Variants in RAB11FIP3 observed in about 807,000 individuals in gnomAD.
RAB11FIP3 encodes the protein RAB11 family interacting protein 3.
Under a neutral mutation model 77.8 loss-of-function variants are expected in RAB11FIP3, and 17 were observed. The ratio of observed to expected loss-of-function variants is 0.22; its 90% CI spans 0.15 to 0.33. The LOEUF is 0.33. Ranked by LOEUF, RAB11FIP3 falls within the 10% of genes least tolerant of loss-of-function variation. The pLI is 1.00. For missense variants in RAB11FIP3, 1,005 were observed against 1,011.2 expected, an observed-to-expected ratio of 0.99 and a Z score of 0.08; for synonymous variants, 437 against 448.2, an observed-to-expected ratio of 0.98 and a Z score of 0.31.
chr16:431,470 C>T (rs534514880), intron 1 of RAB11FIP3, among the ~76,000 whole-genome samples: 36 of 151,958 alleles, frequency 2.4e-4, no homozygotes, highest in African/African-American at 8.5e-4. Context: ...ACCTCCACCA[C>T]GTGGGTTCAA....
chr16:483,908 G>A (rs974935729), intron 4 of RAB11FIP3, among the ~76,000 whole-genome samples: 3 of 151,968 alleles, frequency 2.0e-5, no homozygotes, highest in Non-Finnish European at 4.4e-5. Flanking sequence ...CCCGTCCCCC[G>A]CTTAGAGCCG....
In RAB11FIP3 at chr16:510,721, G is replaced by A; in HGVS notation, c.1561G>A (p.Glu521Lys). The change falls in exon 9 of 14, where the codon GAA becomes AAA. Residue 521 changes from glutamate (E) to lysine (K), a missense_variant. Physicochemically the swap from Glu to Lys is moderately conservative, Grantham distance 56. Coordinates refer to ENST00000262305, the MANE Select transcript of RAB11FIP3 (RefSeq NM_014700.4). ...QELRACEMVL[E>K]ETRRQKELLC... The stretch of plus-strand genomic sequence containing the variant: ...GCTGAGAGCCTGCGAGATGGTCCTG[G>A]AAGAGACCCGGCGTCAGAAGGAGCT... 6.2e-7 allele frequency: 1 copy of A among 1,613,132 alleles called. No homozygotes were observed. The highest frequency in any genetic ancestry group is 1.1e-5 in the South Asian group (1 of 91,040).
chr16:520,497 C>A lies in RAB11FIP3; in HGVS notation c.2055C>A (p.Asn685Lys). The A allele has an allele frequency of 6.2e-7, 1 of 1,613,678 alleles. No homozygotes were observed. ...TGAAGGAGCAGAACGAGGAGCTGAA[C>A]GGGCAGATCATTACCCTCAGCATCC... ...RNLKEQNEEL[N>K]GQIITLSIQG... Residue 685 changes from asparagine (N) to lysine (K), a missense_variant, in exon 13 of 14, where the codon AAC (asparagine) becomes AAA (lysine). Asn to Lys is a moderately conservative substitution (Grantham distance 94). Around this residue, in one of 4 missense-constraint regions of RAB11FIP3, gnomAD observed 90 missense variants for 129.7 expected, o/e 0.69. Coordinates refer to ENST00000262305, the MANE Select transcript of RAB11FIP3 (RefSeq NM_014700.4).
rs530691751 is a variant in RAB11FIP3, at chr16:449,147, C to A, written c.715-12257C>A. Among the ~76,000 whole-genome samples, 5 of 152,166 alleles carry A rather than the reference C, an allele frequency of 3.3e-5. No homozygotes were observed. The South Asian group carries it at 8.3e-4, about 25-fold the overall frequency. On this transcript the variant is annotated intron_variant, in intron 1 of 13. Coordinates refer to ENST00000262305, the MANE Select transcript of RAB11FIP3 (RefSeq NM_014700.4). ...CAACCTCACTTCCAGCTGCCGGCCC[C>A]CTGCTCACTCTGCTCCTGACACTCC...
chr16:520,556 C>T lies in RAB11FIP3; in HGVS notation c.2114C>T (p.Ser705Phe). ...AAGAGCCTCTTCTCCACAGCCTTCT[C>T]TGAGTCCCTGGCTGCAGAGATCAGC... ...GAKSLFSTAFSESLAAEISSV... is the reference protein window; with the variant it reads ...GAKSLFSTAFFESLAAEISSV... Residue 705 changes from serine (S) to phenylalanine (F), a missense_variant, in exon 13 of 14, where the codon TCT (serine) becomes TTT (phenylalanine). Physicochemically the swap from Ser to Phe is radical, Grantham distance 155 (BLOSUM62 -2). This residue lies in a region of RAB11FIP3 where 90 missense variants were observed against 129.7 expected (regional missense o/e 0.69). Coordinates refer to ENST00000262305, the MANE Select transcript of RAB11FIP3 (RefSeq NM_014700.4). 1 of 1,613,730 alleles carries T rather than the reference C, an allele frequency of 6.2e-7. No individual in the cohort carries two copies. The highest frequency in any genetic ancestry group is 8.5e-7 in the Non-Finnish European group (1 of 1,180,036).
chr16:484,419 T>G (rs1401967442), intron 4 of RAB11FIP3, among the ~76,000 whole-genome samples: 1 of 152,014 alleles, frequency 6.6e-6, no homozygotes, highest in Non-Finnish European at 1.5e-5. Context: ...TGGTGCGATC[T>G]CAGCTCACTG....
intron 1 of RAB11FIP3, among the ~76,000 whole-genome samples, chr16:431,382 CTT>C (rs773557516): frequency 8.4e-5 from 12 of 143,316 alleles, no homozygotes; most frequent in African/African-American, 1.0e-4. Context: ...TCTTTTCAGA[CTT>C]TTTTTTTTTT....
chr16:509,202 T>C (rs2032017582), intron 8 of RAB11FIP3, among the ~76,000 whole-genome samples: 1 of 152,262 alleles, frequency 6.6e-6, no homozygotes, highest in African/African-American at 2.4e-5. Flanking sequence ...GGCATCTCAA[T>C]CGGACTTTTA....
At chr16:480,781 A>C (rs2056024132) in intron 3 of RAB11FIP3, among the ~76,000 whole-genome samples, 1 of 149,120 alleles carries the variant, frequency 6.7e-6, no homozygotes, top group African/African-American at 2.4e-5. Context: ...TACAGGCGTG[A>C]GCCACTGCGC....
At chr16:492,161 C>A (rs970903309) in intron 5 of RAB11FIP3, among the ~76,000 whole-genome samples, 1 of 152,206 alleles carries the variant, frequency 6.6e-6, no homozygotes, top group African/African-American at 2.4e-5. Context: ...CTTATTGAGG[C>A]TTCTGTCCTG....
rs2031912961 is a variant in RAB11FIP3 at position 507,109 on chromosome 16, C to T, written c.1499+1482C>T. The stretch of plus-strand genomic sequence containing the variant: ...GACTACAGGTGTGCACCACCACACC[C>T]AGCTTTTTTTTTTTTTTTTTTGAGA... On this transcript the variant is annotated intron_variant, in intron 8 of 13. Coordinates refer to ENST00000262305, the MANE Select transcript of RAB11FIP3 (RefSeq NM_014700.4). The surrounding 1 kb of genome is among the most constrained non-coding windows in gnomAD (Gnocchi z 4.6). Among the ~76,000 whole-genome samples the T allele has an allele frequency of 6.6e-6, 1 of 150,688 alleles. No homozygotes were observed. The highest frequency in any genetic ancestry group is 1.5e-5 in the Non-Finnish European group (1 of 67,796).
intron 3 of RAB11FIP3, among the ~76,000 whole-genome samples, chr16:479,617 A>G (rs2055992524): frequency 6.6e-6 from 1 of 152,132 alleles, no homozygotes. Flanking sequence ...TCTCTATTTT[A>G]TTAAAATAAA....
chr16:465,267 C>T (rs12921384), intron 2 of RAB11FIP3, among the ~76,000 whole-genome samples: 50,024 of 151,880 alleles, frequency 0.33, 10,593 homozygotes, highest in Non-Finnish European at 0.48. Flanking sequence ...TGGTTGTCAT[C>T]GGAGAGGCCT....
intron 1 of RAB11FIP3, among the ~76,000 whole-genome samples, chr16:428,497 C>T (rs2054987627): frequency 6.6e-6 from 1 of 152,100 alleles, no homozygotes; most frequent in African/African-American, 2.4e-5. Context: ...TTACCATAAC[C>T]CAACTCTTGA....
chr16:479,619 T>A (rs2055992587), intron 3 of RAB11FIP3, among the ~76,000 whole-genome samples: 1 of 152,002 alleles, frequency 6.6e-6, no homozygotes. Flanking sequence ...TCTATTTTAT[T>A]AAAATAAAAA....
intron 1 of RAB11FIP3, among the ~76,000 whole-genome samples, chr16:429,031 T>A (rs553956143): frequency 2.0e-5 from 3 of 152,212 alleles, no homozygotes; most frequent in African/African-American, 7.2e-5. Context: ...GAAGAAGCAA[T>A]GTTGGGTGTG....
intron 1 of RAB11FIP3, among the ~76,000 whole-genome samples, chr16:450,819 C>A (rs895120361): frequency 6.8e-6 from 1 of 147,926 alleles, no homozygotes; most frequent in Non-Finnish European, 1.5e-5. Flanking sequence ...GGGAGAGAGC[C>A]TCCCGCTCCC....
At chr16:510,560 A>C in intron 8 of RAB11FIP3, 100 bp from the exon 9 acceptor site, 1 of 1,350,482 alleles carries the variant, frequency 7.4e-7, no homozygotes, top group Non-Finnish European at 9.8e-7. Context: ...TCCCGAGTGG[A>C]GGCAGGTTCT....
At chr16:454,616 C>A (rs763440716) in intron 1 of RAB11FIP3, among the ~76,000 whole-genome samples, 1 of 151,904 alleles carries the variant, frequency 6.6e-6, no homozygotes, top group Non-Finnish European at 1.5e-5. Context: ...CCCACAAAAC[C>A]AACCATGAAA....
Sources: gnomAD v4.1 joint callset for allele counts (sites outside exome capture counted in the v4.1 genomes callset) on GRCh38, gnomAD v4.1.1 for gene constraint, gnomAD v4.1.1 regional missense constraint, Gnocchi (gnomAD v3.1) non-coding constraint, MANE v1.5 for transcripts, NCBI Gene and HGNC (gene_info 2026-07-23, HGNC 2026-07-21) for gene names.